The following PTPRD variants were observed in gnomAD, a reference collection of about 807,000 sequenced individuals.
The protein encoded by PTPRD is protein tyrosine phosphatase receptor type D, also known as receptor-type tyrosine-protein phosphatase delta.
A neutral mutation model predicts 214.5 loss-of-function variants in PTPRD; 34 were observed. That is an observed-to-expected ratio of 0.16 (90% confidence interval 0.12 to 0.21). PTPRD has a LOEUF of 0.21. Ranked by LOEUF, PTPRD falls within the 10% of genes least tolerant of loss-of-function variation. The pLI is 1.00. For missense variants in PTPRD, 2,545 were observed against 2,398.7 expected (o/e 1.06, Z -1.27); for synonymous variants, 1,128 against 845.7 (o/e 1.33, Z -5.79).
chr9:9,470,289 T>A (rs750598370), intron 8 of PTPRD, among the ~76,000 whole-genome samples: 75 of 152,192 alleles, frequency 4.9e-4, no homozygotes, highest in Non-Finnish European at 8.8e-4. Context: ...CATTTGGCTG[T>A]TTCTGAAACC....
intron 9 of PTPRD, among the ~76,000 whole-genome samples, chr9:9,225,134 T>C (rs774367961): frequency 6.6e-5 from 10 of 152,060 alleles, no homozygotes; most frequent in Admixed American, 1.3e-4. Context: ...AAAAAGTACA[T>C]AGTTTTATTA....
Position 9,777,346 on chromosome 9 carries a change from C to CACAA in PTPRD, c.-367-10496_-367-10495insTTGT, listed in dbSNP as rs1555042653. The stretch of plus-strand genomic sequence containing the variant: ...ACATGCACACACACACACACACACA[C>CACAA]ACACACACCCCTAAATGTTTACGTG... On this transcript the variant is annotated intron_variant, in intron 5 of 45. Coordinates refer to ENST00000381196, the MANE Select transcript of PTPRD (RefSeq NM_002839.4). Among the ~76,000 whole-genome samples, 70 of 152,016 alleles carry CACAA rather than the reference C, an allele frequency of 4.6e-4. No homozygotes were observed. In the East Asian group the frequency reaches 0.011, roughly 23 times the overall value.
chr9:8,488,480 G>T (rs1428690968), intron 27 of PTPRD, among the ~76,000 whole-genome samples: 1 of 152,068 alleles, frequency 6.6e-6, no homozygotes, highest in Non-Finnish European at 1.5e-5. Context: ...GTGTTGTGTT[G>T]TATATATAAA....
At chr9:10,527,811 T>G (rs147234213) in intron 2 of PTPRD, among the ~76,000 whole-genome samples, 1 of 152,168 alleles carries the variant, frequency 6.6e-6, no homozygotes, top group Admixed American at 6.6e-5. Flanking sequence ...TAATTACTTA[T>G]GCATATAATT....
intron 9 of PTPRD, among the ~76,000 whole-genome samples, chr9:9,352,327 A>ATATATATG (rs1555280411): frequency 1.5e-5 from 1 of 68,382 alleles, no homozygotes; most frequent in African/African-American, 4.4e-5. Context: ...ATATATATAT[A>ATATATATG]TGTGTGTGTG....
intron 8 of PTPRD, among the ~76,000 whole-genome samples, chr9:9,508,728 C>G (rs986830343): frequency 1.3e-5 from 2 of 151,542 alleles, no homozygotes; most frequent in Non-Finnish European, 3.0e-5. Context: ...ATCAATCTAC[C>G]TGGAAGAACA....
At chr9:9,791,397 T>G (rs527420521) in intron 5 of PTPRD, among the ~76,000 whole-genome samples, 131 of 152,266 alleles carry the variant, frequency 8.6e-4, no homozygotes, top group Non-Finnish European at 1.5e-3. Context: ...GTTTTGAACC[T>G]GTGCAATTAT....
intron 3 of PTPRD, among the ~76,000 whole-genome samples, chr9:10,116,876 G>A (rs988262196): frequency 1.3e-5 from 2 of 151,938 alleles, no homozygotes; most frequent in South Asian, 2.1e-4. Flanking sequence ...CTTCTGCCTG[G>A]AATTATTTTC....
At chr9:8,380,273 T>C (rs1488579745) in intron 37 of PTPRD, among the ~76,000 whole-genome samples, 2 of 152,166 alleles carry the variant, frequency 1.3e-5, no homozygotes, top group African/African-American at 4.8e-5. Flanking sequence ...ACTGACTAAG[T>C]GGGGTGTTTC....
chr9:9,000,965 A>G (rs1200928379), intron 11 of PTPRD, among the ~76,000 whole-genome samples: 1 of 152,014 alleles, frequency 6.6e-6, no homozygotes, highest in Non-Finnish European at 1.5e-5. Flanking sequence ...AAACAGCTAC[A>G]GCAAAGCACG....
chr9:8,478,411 T>C (rs1163001738), intron 30 of PTPRD, among the ~76,000 whole-genome samples: 2 of 152,172 alleles, frequency 1.3e-5, no homozygotes, highest in Non-Finnish European at 2.9e-5. Flanking sequence ...AAATTGAAAA[T>C]TTCATAGAAT....
chr9:9,316,798 T>C (rs1328992387), intron 9 of PTPRD, among the ~76,000 whole-genome samples: 1 of 152,198 alleles, frequency 6.6e-6, no homozygotes, highest in African/African-American at 2.4e-5. Flanking sequence ...CATCGTATGG[T>C]AAATAATTTC....
At chr9:9,891,263 AG>A (rs1490882096) in intron 5 of PTPRD, among the ~76,000 whole-genome samples, 1 of 152,166 alleles carries the variant, frequency 6.6e-6, no homozygotes, top group Non-Finnish European at 1.5e-5. Flanking sequence ...GGACTTTCAA[AG>A]AAATATGCAA....
At chr9:8,734,589 C>T (rs570646052) in intron 11 of PTPRD, among the ~76,000 whole-genome samples, 1 of 152,278 alleles carries the variant, frequency 6.6e-6, no homozygotes, top group South Asian at 2.1e-4. Flanking sequence ...TATATGCCTC[C>T]TGGGCAAGGG....
At chr9:8,423,197 C>T (rs1171063184) in intron 35 of PTPRD, among the ~76,000 whole-genome samples, 2 of 152,182 alleles carry the variant, frequency 1.3e-5, no homozygotes, top group African/African-American at 4.8e-5. Context: ...AGTCCAATCA[C>T]CTAAATTATG....
chr9:8,375,264 T>C (rs2082872666), intron 39 of PTPRD, among the ~76,000 whole-genome samples: 1 of 151,942 alleles, frequency 6.6e-6, no homozygotes, highest in African/African-American at 2.4e-5. Flanking sequence ...TATAAACATT[T>C]ATATATATCG....
intron 14 of PTPRD, among the ~76,000 whole-genome samples, chr9:8,618,751 C>T (rs1031478321): frequency 2.6e-4 from 39 of 151,906 alleles, no homozygotes; most frequent in East Asian, 1.4e-3. Flanking sequence ...GGCTAGAATG[C>T]AGTGGTGCGA....
At chr9:9,204,731 G>C (rs1342069431) in intron 9 of PTPRD, among the ~76,000 whole-genome samples, 2 of 152,142 alleles carry the variant, frequency 1.3e-5, no homozygotes, top group African/African-American at 2.4e-5. Flanking sequence ...ATTTTGCTCT[G>C]TACAGCCTTG....
intron 5 of PTPRD, among the ~76,000 whole-genome samples, chr9:9,921,332 A>C (rs1271452721): frequency 6.6e-6 from 1 of 152,060 alleles, no homozygotes; most frequent in African/African-American, 2.4e-5. Flanking sequence ...GTAAAATAGA[A>C]ATCTCTTTTT....
Sources: gnomAD v4.1 joint callset for allele counts (sites outside exome capture counted in the v4.1 genomes callset) on GRCh38, gnomAD v4.1.1 for gene constraint, MANE v1.5 for transcripts, NCBI Gene and HGNC (gene_info 2026-07-23, HGNC 2026-07-21) for gene names.